XRCC1: variants seen among roughly 807,000 people sequenced by gnomAD.
XRCC1 encodes X-ray repair cross complementing 1, also known as DNA repair protein XRCC1.
Under a neutral mutation model 83.3 loss-of-function variants are expected in XRCC1, and 52 were observed. The ratio of observed to expected loss-of-function variants is 0.62; its 90% CI spans 0.50 to 0.79. The LOEUF (loss-of-function observed/expected upper bound fraction) is 0.79, where lower values mean the gene tolerates loss of function less well. Ranked by LOEUF, XRCC1 falls within the 30% of genes least tolerant of loss-of-function variation. XRCC1 has a pLI of 0.00. For missense variants in XRCC1, 793 were observed against 823.5 expected, an observed-to-expected ratio of 0.96 and a Z score of 0.45; for synonymous variants, 281 against 312.6, an observed-to-expected ratio of 0.90 and a Z score of 1.07.
chr19:43,551,796 T>C, intron 9 of XRCC1, 109 bp from the exon 10 acceptor site: 2 of 1,045,048 alleles, frequency 1.9e-6, no homozygotes, highest in Non-Finnish European at 2.9e-6. Flanking sequence ...GACAGACAGA[T>C]CATGAGATTG....
intron 2 of XRCC1, among the ~76,000 whole-genome samples, chr19:43,569,778 T>C (rs1457887376): frequency 6.6e-6 from 1 of 150,806 alleles, no homozygotes; most frequent in Non-Finnish European, 1.5e-5. Flanking sequence ...CGAAACTCCG[T>C]CTCAGAAAAA....
intron 10 of XRCC1, 87 bp from the exon 11 acceptor site, chr19:43,547,064 A>G: frequency 1.6e-6 from 2 of 1,287,868 alleles, no homozygotes; most frequent in Non-Finnish European, 2.2e-6. Flanking sequence ...CATTTACTAA[A>G]ATACTCACTC....
chr19:43,559,954 A>G (rs979401304), intron 3 of XRCC1, among the ~76,000 whole-genome samples: 4 of 151,788 alleles, frequency 2.6e-5, no homozygotes, highest in African/African-American at 9.7e-5. Flanking sequence ...GGTGGTGTGC[A>G]CCTGTAGCCC....
intron 10 of XRCC1, among the ~76,000 whole-genome samples, chr19:43,549,124 C>T (rs1014441404): frequency 3.3e-5 from 5 of 152,110 alleles, no homozygotes. Context: ...TGTAGTAGTT[C>T]ATTAACAGTC....
intron 2 of XRCC1, 40 bp downstream of exon 2, chr19:43,574,870 C>T (rs1972838571): frequency 1.2e-5 from 19 of 1,558,748 alleles, no homozygotes; most frequent in Non-Finnish European, 1.6e-5. Flanking sequence ...ACCCCGGACT[C>T]CAGACTCCTA....
Position 43,547,405 on chromosome 19 carries a change from C to T in XRCC1, c.1200-428G>A, listed in dbSNP as rs564618700. 3.2e-4 allele frequency among the ~76,000 whole-genome samples: 49 copies of T among 151,834 alleles called. No homozygotes were observed. The East Asian group carries it at 8.1e-3, about 25-fold the overall frequency. On this transcript the variant is annotated intron_variant, in intron 10 of 16. Coordinates refer to ENST00000262887, the MANE Select transcript of XRCC1 (RefSeq NM_006297.3). ...TTCACCATGTTGGCCAGGATGGTCTCGATCTCCTGACCTCATGCTCTGCCC... is the reference window on the plus strand; with the variant it reads ...TTCACCATGTTGGCCAGGATGGTCTTGATCTCCTGACCTCATGCTCTGCCC...
chr19:43,547,483 C>T (rs764321723), intron 10 of XRCC1, among the ~76,000 whole-genome samples: 5 of 135,480 alleles, frequency 3.7e-5, no homozygotes, highest in African/African-American at 1.4e-4. Context: ...CACTCCTGGC[C>T]GCTTTTTTTT....
chr19:43,557,307 CAAAAAAAAAAA>C (rs33984597), intron 3 of XRCC1, among the ~76,000 whole-genome samples: 5 of 77,868 alleles, frequency 6.4e-5, no homozygotes, highest in African/African-American at 2.6e-4. Flanking sequence ...GACTCCGTCT[CAAAAAAAAAAA>C]AAAAAAAAAA....
chr19:43,546,577 C>T lies in XRCC1; in HGVS notation c.1426+18G>A. On this transcript the variant is annotated intron_variant, in intron 12 of 16. Transcript: ENST00000262887. ...CTCAGGAGCCCAGGCCCCAGCCCCT[C>T]CTCCCTCAGAGTCTGACCTGACTGT... 1 of 1,592,998 alleles carries T rather than the reference C, an allele frequency of 6.3e-7. No homozygotes were observed. The highest frequency in any genetic ancestry group is 8.5e-7 in the Non-Finnish European group (1 of 1,174,716).
intron 2 of XRCC1, among the ~76,000 whole-genome samples, chr19:43,571,416 G>C (rs1354771091): frequency 6.6e-6 from 1 of 152,184 alleles, no homozygotes; most frequent in African/African-American, 2.4e-5. Context: ...CCTTCATTAA[G>C]TTCCTCCATA....
Position 43,544,218 on chromosome 19 carries a change from C to T in XRCC1, c.1638G>A (p.Lys546=). Residue 546 remains lysine, a synonymous_variant, in exon 15 of 17, where the codon AAG becomes AAA. Transcript: ENST00000262887. The part of the protein sequence containing the change: ...VPELPDFFQG[K]HFFLYGEFPG... ...GGAACTCCCCGTAAAGAAAGAAGTGCTTGCCCTGGAAGAAATCTGCAGGAG... is the reference window on the plus strand; with the variant it reads ...GGAACTCCCCGTAAAGAAAGAAGTGTTTGCCCTGGAAGAAATCTGCAGGAG... 1 of 1,609,894 alleles carries T rather than the reference C, an allele frequency of 6.2e-7. No individual in the cohort carries two copies. Among genetic ancestry groups the T allele is most frequent in the Non-Finnish European group, 8.5e-7 (1 of 1,178,092 alleles).
chr19:43,564,813 A>C (rs924198018), intron 2 of XRCC1, among the ~76,000 whole-genome samples: 1 of 151,948 alleles, frequency 6.6e-6, no homozygotes, highest in Non-Finnish European at 1.5e-5. Flanking sequence ...AAAACACACA[A>C]ATTTAATATC....
At chr19:43,554,948 C>G in intron 3 of XRCC1, 144 bp from the exon 4 acceptor site, 2 of 874,142 alleles carry the variant, frequency 2.3e-6, no homozygotes, top group Middle Eastern at 2.6e-4. Flanking sequence ...GTCTCCAGAC[C>G]CTTTGTTTCT....
At chr19:43,550,248 A>G (rs373136695) in intron 10 of XRCC1, among the ~76,000 whole-genome samples, 6 of 151,232 alleles carry the variant, frequency 4.0e-5, no homozygotes, top group East Asian at 1.9e-4. Flanking sequence ...ACCCACTAAT[A>G]TTTCTGCAGT....
intron 14 of XRCC1, among the ~76,000 whole-genome samples, chr19:43,544,754 C>T (rs1340904713): frequency 6.6e-6 from 1 of 152,158 alleles, no homozygotes; most frequent in Non-Finnish European, 1.5e-5. Flanking sequence ...AGCAATCCTC[C>T]CACCTCAGCC....
chr19:43,566,786 C>T (rs987216918), intron 2 of XRCC1, among the ~76,000 whole-genome samples: 12 of 140,516 alleles, frequency 8.5e-5, no homozygotes, highest in Non-Finnish European at 1.1e-4. Flanking sequence ...GACTGAGGCA[C>T]GAGAATCACT....
At chr19:43,565,382 G>A (rs1182738256) in intron 2 of XRCC1, among the ~76,000 whole-genome samples, 1 of 152,146 alleles carries the variant, frequency 6.6e-6, no homozygotes, top group African/African-American at 2.4e-5. Flanking sequence ...TAGCTTACAT[G>A]GCACACAAGC....
chr19:43,551,780 C>G (rs1205383541), intron 9 of XRCC1, 93 bp from the exon 10 acceptor site: 31 of 1,002,134 alleles, frequency 3.1e-5, no homozygotes, highest in East Asian at 1.2e-4. Flanking sequence ...GAGAGAGAGA[C>G]AGACAGACAG....
chr19:43,548,746 G>A (rs552390852), intron 10 of XRCC1, among the ~76,000 whole-genome samples: 1 of 83,484 alleles, frequency 1.2e-5, no homozygotes, highest in East Asian at 3.2e-4. Context: ...CCCCCTCTGT[G>A]AGAAACACCC....
Sources: gnomAD v4.1 joint callset for allele counts (sites outside exome capture counted in the v4.1 genomes callset) on GRCh38, gnomAD v4.1.1 for gene constraint, MANE v1.5 for transcripts, NCBI Gene and HGNC (gene_info 2026-07-23, HGNC 2026-07-21) for gene names.